Variants in PUS7L observed in about 807,000 individuals in gnomAD.
PUS7L encodes the protein pseudouridine synthase 7 like, also known as pseudouridylate synthase PUS7L.
PUS7L carries 49 observed loss-of-function variants against 51.1 expected under a neutral mutation model. That is an observed-to-expected ratio of 0.96 (90% CI 0.76 to 1.22). The LOEUF (loss-of-function observed/expected upper bound fraction) is 1.22. PUS7L is among the 50% of genes most tolerant of loss of function. The pLI is 0.00. For synonymous variants in PUS7L, 277 were observed against 276.2 expected (o/e 1.00, Z -0.03); for missense variants, 828 against 820.6 (o/e 1.01, Z -0.11).
Position 43,748,695 on chromosome 12 carries a change from T to C in PUS7L, c.911-86A>G, listed in dbSNP as rs1261078529. 8.5e-6 allele frequency: 9 copies of C among 1,061,688 alleles called. 1 individual carries two copies. In the South Asian group the frequency reaches 1.5e-4, roughly 18 times the overall value. 65.8% of individuals were successfully genotyped at this position (1,061,688 alleles called of 1,614,324 possible). On this transcript the variant is annotated intron_variant, in intron 2 of 8. Transcript: ENST00000344862. Reference sequence around the variant, plus strand: ...TTAGCTAACAGATTAGTATAATAAATCAAACTATTAATCTAAGGAGTTTTG... The same window carrying C: ...TTAGCTAACAGATTAGTATAATAAACCAAACTATTAATCTAAGGAGTTTTG...
chr12:43,736,282 A>T, intron 7 of PUS7L, 99 bp downstream of exon 7: 1 of 975,720 alleles, frequency 1.0e-6, no homozygotes, highest in Non-Finnish European at 1.5e-6. Context: ...TAAATAAATT[A>T]CATGTATGTT....
At chr12:43,738,267 C>A in intron 6 of PUS7L, 43 bp downstream of exon 6, 1 of 958,296 alleles carries the variant, frequency 1.0e-6, no homozygotes, top group South Asian at 1.3e-5. Context: ...TAGTGTGTAT[C>A]TGTATCTGCA....
Position 43,725,055 on chromosome 12 carries a change from A to T in PUS7L, c.*5321T>A, listed in dbSNP as rs1269986040. 6.6e-6 allele frequency: 1 copy of T among 152,236 alleles called. No individual in the cohort carries two copies. The highest frequency in any genetic ancestry group is 2.4e-5 in the African/African-American group (1 of 41,466). 9.4% of individuals were successfully genotyped at this position (152,236 alleles called of 1,614,324 possible). On this transcript the variant is annotated 3_prime_UTR_variant, in exon 9 of 9. Transcript: ENST00000344862. ...TAAAAAGGTAAATCAGCCAATGTTG[A>T]TATATGTAAATAGTATCAATCAGCT...
Position 43,754,477 on chromosome 12 carries a change from C to A in PUS7L, c.769G>T (p.Val257Leu). The change falls in exon 2 of 9, where the codon GTG (valine) becomes TTG (leucine). Residue 257 changes from valine to leucine, a missense_variant. Transcript: ENST00000344862. Reference protein sequence around the residue: ...HFVNKKFGNLVETKSFSKMNC... With the variant: ...HFVNKKFGNLLETKSFSKMNC... The stretch of plus-strand genomic sequence containing the variant: ...ATTTTAGAAAAAGATTTGGTTTCCA[C>A]AAGGTTTCCAAACTTTTTGTTGACA... The A allele has an allele frequency of 6.2e-7, 1 of 1,613,956 alleles. No individual in the cohort carries two copies.
intron 7 of PUS7L, among the ~76,000 whole-genome samples, chr12:43,732,659 AGGCTTCAGC>A (rs1205504279): frequency 2.6e-5 from 4 of 152,228 alleles, no homozygotes; most frequent in Admixed American, 6.5e-5. Flanking sequence ...TCTCTTCACA[AGGCTTCAGC>A]GCATTCTCAT....
chr12:43,754,998 C>T lies in PUS7L; in HGVS notation c.248G>A (p.Gly83Glu). Residue 83 changes from glycine (G) to glutamate (E), a missense_variant, in exon 2 of 9, where the codon GGA becomes GAA. Coordinates refer to ENST00000344862, the MANE Select transcript of PUS7L (RefSeq NM_031292.5). ...CAAAGTATGAACTTCTTGGTTTCTT[C>T]CATCTTCTAAGGACAGATTTTGAAG... is the stretch of plus-strand genomic sequence containing the variant. ...LDLQNLSLEDGRNQEVHTLIK... is the reference protein window; with the variant it reads ...LDLQNLSLEDERNQEVHTLIK... 1.2e-5 allele frequency: 20 copies of T among 1,613,048 alleles called. No homozygotes were observed. The highest frequency in any genetic ancestry group is 1.6e-5 in the Non-Finnish European group (19 of 1,179,576).
intron 7 of PUS7L, among the ~76,000 whole-genome samples, chr12:43,735,888 T>G (rs1203940359): frequency 6.6e-6 from 1 of 152,166 alleles, no homozygotes. Flanking sequence ...GAGATTCTCC[T>G]GCCTCAGCCT....
intron 2 of PUS7L, among the ~76,000 whole-genome samples, chr12:43,750,269 T>C (rs12321055): frequency 0.014 from 2,185 of 152,296 alleles, 55 homozygotes; most frequent in African/African-American, 0.049. Context: ...GAATTTAGTA[T>C]AGAAATATAT....
In PUS7L at chr12:43,725,096, C is replaced by A. The variant is rs544481810; in HGVS notation, c.*5280G>T. 2 of 152,172 alleles carry A rather than the reference C, an allele frequency of 1.3e-5. No homozygotes were observed. The highest frequency in any genetic ancestry group is 2.9e-5 in the Non-Finnish European group (2 of 68,016). The allele number at this position is 152,172 out of a possible 1,614,324, so 9.4% of individuals were successfully genotyped here. A position where few individuals can be genotyped will look rare whatever the true frequency, so the allele number is the denominator to read the frequency against. Reference sequence around the variant, plus strand: ...TCAATCAGCTTTCTCCTTCCTTAAACAGAATGATTGATGTGAGGACTGAAA... The same window carrying A: ...TCAATCAGCTTTCTCCTTCCTTAAAAAGAATGATTGATGTGAGGACTGAAA... On this transcript the variant is annotated 3_prime_UTR_variant, in exon 9 of 9. Transcript: ENST00000344862.
At chr12:43,755,310 G>A in intron 1 of PUS7L, 49 bp from the exon 2 acceptor site, 1 of 1,160,846 alleles carries the variant, frequency 8.6e-7, no homozygotes, top group Admixed American at 2.7e-5. Context: ...GAGAAGTTAT[G>A]GATGACCAAA....
At chr12:43,752,172 A>G (rs932513682) in intron 2 of PUS7L, among the ~76,000 whole-genome samples, 2 of 152,128 alleles carry the variant, frequency 1.3e-5, no homozygotes, top group Non-Finnish European at 2.9e-5. Context: ...GATGGGCTGC[A>G]GTTATTTAAA....
At chr12:43,748,257 AT>A (rs1464889793) in intron 3 of PUS7L, among the ~76,000 whole-genome samples, 192 bp downstream of exon 3, 1 of 152,090 alleles carries the variant, frequency 6.6e-6, no homozygotes, top group Non-Finnish European at 1.5e-5. Flanking sequence ...TTTCACGAGG[AT>A]TTTTTTTAAA....
At chr12:43,751,577 T>C (rs945251751) in intron 2 of PUS7L, among the ~76,000 whole-genome samples, 1 of 152,178 alleles carries the variant, frequency 6.6e-6, no homozygotes, top group Non-Finnish European at 1.5e-5. Context: ...TGTGCCACAT[T>C]TTCTTAATCC....
intron 4 of PUS7L, among the ~76,000 whole-genome samples, chr12:43,744,770 G>C (rs1418921701): frequency 2.0e-5 from 3 of 152,070 alleles, no homozygotes; most frequent in East Asian, 1.9e-4. Flanking sequence ...AAAGGTCTTT[G>C]TGGTGAGAAA....
Position 43,721,286 on chromosome 12 carries a change from T to C in PUS7L, c.*9090A>G, listed in dbSNP as rs1016573412. ...TTAACTTCTTCAAGCCCTGGAATCC[T>C]CATTTGTTAAATGAGACTAGTTATC... On this transcript the variant is annotated 3_prime_UTR_variant, in exon 9 of 9. Coordinates refer to ENST00000344862, the MANE Select transcript of PUS7L (RefSeq NM_031292.5). 2 of 152,216 alleles carry C rather than the reference T, an allele frequency of 1.3e-5. No homozygotes were observed. Among genetic ancestry groups the C allele is most frequent in the Admixed American group, 1.3e-4 (2 of 15,272 alleles). The allele number at this position is 152,216 out of a possible 1,614,324, so 9.4% of individuals were successfully genotyped here.
chr12:43,724,325 G>T lies in PUS7L; in HGVS notation c.*6051C>A, dbSNP rs1190632166. On this transcript the variant is annotated 3_prime_UTR_variant, in exon 9 of 9. Transcript: ENST00000344862. ...AAAAAAACCTCTAAAAATATGAATTGTAATTACTTTATGCTAAAACTAAGT... is the reference window on the plus strand; with the variant it reads ...AAAAAAACCTCTAAAAATATGAATTTTAATTACTTTATGCTAAAACTAAGT... 1.3e-5 allele frequency: 2 copies of T among 151,320 alleles called. No individual in the cohort carries two copies. The highest frequency in any genetic ancestry group is 1.3e-4 in the Admixed American group (2 of 15,216). 9.4% of individuals were successfully genotyped at this position (151,320 alleles called of 1,614,324 possible).
chr12:43,755,362 T>C, intron 1 of PUS7L, 101 bp from the exon 2 acceptor site: 1 of 683,586 alleles, frequency 1.5e-6, no homozygotes, highest in Non-Finnish European at 2.4e-6. Context: ...TGTCTCTCTT[T>C]TAATTCTGAG....
intron 2 of PUS7L, among the ~76,000 whole-genome samples, chr12:43,748,832 T>G (rs1330449527): frequency 1.3e-5 from 2 of 152,144 alleles, no homozygotes; most frequent in Admixed American, 6.6e-5. Flanking sequence ...CCAGTGATTC[T>G]CCTGCCTCAG....
chr12:43,732,797 G>T (rs1036431008), intron 7 of PUS7L, among the ~76,000 whole-genome samples: 1 of 151,968 alleles, frequency 6.6e-6, no homozygotes, highest in East Asian at 1.9e-4. Flanking sequence ...TTAATTTAGG[G>T]TTTGTTTTTT....
Sources: allele counts gnomAD v4.1 joint callset (sites outside exome capture counted in the v4.1 genomes callset), GRCh38; gene constraint gnomAD v4.1.1; transcripts MANE v1.5; gene names NCBI Gene and HGNC (gene_info 2026-07-23, HGNC 2026-07-21).